Variants in FER observed in about 807,000 individuals in gnomAD.
FER encodes the protein tyrosine-protein kinase Fer.
Under a neutral mutation model 111.0 loss-of-function variants are expected in FER, and 63 were observed. The ratio of observed to expected loss-of-function variants is 0.57; its 90% CI spans 0.46 to 0.70. The LOEUF (loss-of-function observed/expected upper bound fraction) is 0.70, where lower values mean the gene tolerates loss of function less well. Ranked by LOEUF, FER falls within the 30% of genes least tolerant of loss-of-function variation. FER has a pLI of 0.00. For synonymous variants in FER, 327 were observed against 313.9 expected, an observed-to-expected ratio of 1.04 and a Z score of -0.44; for missense variants, 914 against 954.0, an observed-to-expected ratio of 0.96 and a Z score of 0.55.
chr5:109,021,657 A>G (rs574820193), intron 13 of FER, among the ~76,000 whole-genome samples: 1 of 152,108 alleles, frequency 6.6e-6, no homozygotes, highest in Non-Finnish European at 1.5e-5. Context: ...GATAAACAAC[A>G]TATATCCCAT....
intron 5 of FER, among the ~76,000 whole-genome samples, chr5:108,864,424 A>T (rs1430221815): frequency 6.6e-6 from 1 of 152,102 alleles, no homozygotes; most frequent in African/African-American, 2.4e-5. Flanking sequence ...AAAAACCCTC[A>T]CCTTTTCTCT....
intron 17 of FER, among the ~76,000 whole-genome samples, chr5:109,118,044 T>C (rs2126468488): frequency 6.6e-6 from 1 of 152,158 alleles, no homozygotes; most frequent in South Asian, 2.1e-4. Flanking sequence ...TCCAACACTA[T>C]GTTGAATAGG....
At chr5:108,957,187 C>T (rs373060310) in intron 12 of FER, among the ~76,000 whole-genome samples, 18 of 151,512 alleles carry the variant, frequency 1.2e-4, no homozygotes, top group African/African-American at 2.4e-4. Context: ...CTTTGCAGGA[C>T]GTGAAATTAA....
At chr5:108,766,600 A>G (rs911372818) in intron 1 of FER, among the ~76,000 whole-genome samples, 1 of 152,234 alleles carries the variant, frequency 6.6e-6, no homozygotes, top group African/African-American at 2.4e-5. Flanking sequence ...CCCTTTGGAA[A>G]TGGTTAAAAG....
rs560271827 is a variant in FER, at chr5:108,810,164, G to A, written c.207+11775G>A. ...ATGTCTATAGAGAATGTTCAGTAATGTCTTTTTGGCTCTGCCGTATGGACT... is the reference window on the plus strand; with the variant it reads ...ATGTCTATAGAGAATGTTCAGTAATATCTTTTTGGCTCTGCCGTATGGACT... On this transcript the variant is annotated intron_variant, in intron 3 of 19. Transcript: ENST00000281092. 3.3e-5 allele frequency among the ~76,000 whole-genome samples: 5 copies of A among 152,138 alleles called. No homozygotes were observed. The South Asian group carries it at 6.2e-4, about 19-fold the overall frequency.
intron 17 of FER, among the ~76,000 whole-genome samples, chr5:109,134,696 A>T (rs1047329858): frequency 2.0e-5 from 3 of 152,182 alleles, no homozygotes; most frequent in African/African-American, 7.2e-5. Context: ...GAAGAGGGAT[A>T]TATAGTCTCT....
intron 8 of FER, 74 bp downstream of exon 8, chr5:108,872,286 A>T: frequency 1.5e-6 from 2 of 1,359,956 alleles, no homozygotes; most frequent in Non-Finnish European, 2.0e-6. Flanking sequence ...CAGATTTAAA[A>T]TATCAATTAT....
At chr5:109,026,778 A>G (rs1267344665) in intron 13 of FER, among the ~76,000 whole-genome samples, 1 of 152,130 alleles carries the variant, frequency 6.6e-6, no homozygotes, top group African/African-American at 2.4e-5. Flanking sequence ...TCCCGGGTTC[A>G]AGGAATTCTC....
intron 16 of FER, among the ~76,000 whole-genome samples, chr5:109,071,763 A>G (rs1775794004): frequency 6.6e-6 from 1 of 151,982 alleles, no homozygotes; most frequent in Non-Finnish European, 1.5e-5. Context: ...TAGAAAACAT[A>G]TAATTGACAA....
rs1759668126 is a variant in FER, at chr5:109,195,380, C to G, written c.*7805C>G. On this transcript the variant is annotated 3_prime_UTR_variant, in exon 20 of 20. Coordinates refer to ENST00000281092, the MANE Select transcript of FER (RefSeq NM_005246.4). Reference sequence around the variant, plus strand: ...CATAATTCCACCTTAGATTCTAGACCTCTCATACCTGCAGTGTACAGAATA... The same window carrying G: ...CATAATTCCACCTTAGATTCTAGACGTCTCATACCTGCAGTGTACAGAATA... The G allele has an allele frequency of 6.6e-6, 1 of 152,148 alleles. No homozygotes were observed. 9.4% of individuals were successfully genotyped at this position (152,148 alleles called of 1,614,324 possible).
intron 5 of FER, among the ~76,000 whole-genome samples, chr5:108,844,095 T>TAG (rs1554076444): frequency 6.9e-6 from 1 of 145,590 alleles, no homozygotes; most frequent in Admixed American, 6.8e-5. Context: ...CGTGTGAACA[T>TAG]ATGTGTGTGA....
chr5:108,971,868 C>T (rs919712558), intron 13 of FER, among the ~76,000 whole-genome samples: 5 of 151,876 alleles, frequency 3.3e-5, no homozygotes, highest in African/African-American at 1.2e-4. Flanking sequence ...ATTTATATAC[C>T]TGAACAGTTT....
intron 10 of FER, among the ~76,000 whole-genome samples, chr5:108,911,816 G>T (rs1239914384): frequency 6.6e-6 from 1 of 152,044 alleles, no homozygotes; most frequent in Non-Finnish European, 1.5e-5. Flanking sequence ...CTGTTTCATT[G>T]ATCTGTGTCT....
Position 109,190,362 on chromosome 5 carries a change from G to GAC in FER, c.*2788_*2789insCA, listed in dbSNP as rs1554164320. 6.6e-6 allele frequency: 1 copy of GAC among 150,920 alleles called. No individual in the cohort carries two copies. Among genetic ancestry groups the GAC allele is most frequent in the Admixed American group, 6.6e-5 (1 of 15,100 alleles). The allele number at this position is 150,920 out of a possible 1,614,324, so 9.3% of individuals were successfully genotyped here. A position where few individuals can be genotyped will look rare whatever the true frequency, so the allele number is the denominator to read the frequency against. ...TTTGTGTTGTTAATGGATTATTCAA[G>GAC]ATATATATATATATTCTTACTACTG... is the stretch of plus-strand genomic sequence containing the variant. On this transcript the variant is annotated 3_prime_UTR_variant, in exon 20 of 20. Coordinates refer to ENST00000281092, the MANE Select transcript of FER (RefSeq NM_005246.4).
chr5:108,810,372 T>C (rs1020474730), intron 3 of FER, among the ~76,000 whole-genome samples: 1 of 152,204 alleles, frequency 6.6e-6, no homozygotes, highest in Non-Finnish European at 1.5e-5. Context: ...TAGTGCACAG[T>C]GGTCTGATTT....
chr5:109,076,537 C>T (rs906279718), intron 16 of FER, among the ~76,000 whole-genome samples: 1 of 152,120 alleles, frequency 6.6e-6, no homozygotes, highest in Non-Finnish European at 1.5e-5. Flanking sequence ...TCAAGTGATC[C>T]TCCATTCTTC....
chr5:108,919,552 G>T (rs556027031), intron 10 of FER, among the ~76,000 whole-genome samples: 5 of 152,148 alleles, frequency 3.3e-5, no homozygotes, highest in African/African-American at 9.6e-5. Flanking sequence ...CTTACTAAAA[G>T]AACTAATCCT....
intron 13 of FER, among the ~76,000 whole-genome samples, chr5:108,961,123 G>A (rs991516761): frequency 2.0e-5 from 3 of 152,032 alleles, no homozygotes; most frequent in African/African-American, 7.2e-5. Context: ...TTATTCATGT[G>A]GAAGTATGAA....
intron 5 of FER, among the ~76,000 whole-genome samples, chr5:108,857,453 G>A (rs1763111828): frequency 6.6e-6 from 1 of 152,086 alleles, no homozygotes; most frequent in African/African-American, 2.4e-5. Flanking sequence ...GATCATTGGA[G>A]TAAGGTGGTA....
Sources: gnomAD v4.1 joint callset for allele counts (sites outside exome capture counted in the v4.1 genomes callset) on GRCh38, gnomAD v4.1.1 for gene constraint, MANE v1.5 for transcripts, NCBI Gene and HGNC (gene_info 2026-07-23, HGNC 2026-07-21) for gene names.